The following ERC2 variants were observed in gnomAD, a reference collection of about 807,000 sequenced individuals.
ERC2 encodes ERC protein 2.
ERC2 carries 42 observed loss-of-function variants against 114.8 expected under a neutral mutation model. The ratio of observed to expected loss-of-function variants is 0.37; its 90% CI spans 0.29 to 0.47. The LOEUF is 0.47. Ranked by LOEUF, ERC2 falls within the 20% of genes least tolerant of loss-of-function variation. The probability of loss-of-function intolerance (pLI) is 0.99; values close to 1 mark genes in which losing one functional copy is unlikely to be tolerated. For missense variants in ERC2, 939 were observed against 1,150.7 expected, an observed-to-expected ratio of 0.82 and a Z score of 2.66; for synonymous variants, 454 against 425.5, an observed-to-expected ratio of 1.07 and a Z score of -0.82.
In ERC2 at chr3:55,846,669, T is replaced by TTC. The variant is rs776618827; in HGVS notation, c.2564+41718_2564+41719dup. Among the ~76,000 whole-genome samples, 1,001 of 128,952 alleles carry TTC rather than the reference T, an allele frequency of 7.8e-3. 9 individuals carry two copies. Among genetic ancestry groups the TTC allele is most frequent in the Non-Finnish European group, 0.011 (668 of 62,222 alleles). 84.6% of individuals were successfully genotyped at this position (128,952 alleles called of 152,430 possible). A position where few individuals can be genotyped will look rare whatever the true frequency, so the allele number is the denominator to read the frequency against. ...ATAAGTGTTATTTCATCCTTATTCA[T>TTC]TCTCTCTCTCTCTCTCTCTCTCTTT... On this transcript the variant is annotated intron_variant, in intron 14 of 17. Coordinates refer to ENST00000288221, the MANE Select transcript of ERC2 (RefSeq NM_015576.3).
chr3:56,013,971 C>G (rs558928049), intron 8 of ERC2, among the ~76,000 whole-genome samples: 145 of 152,228 alleles, frequency 9.5e-4, no homozygotes, highest in African/African-American at 3.1e-3. Context: ...AGATAGAGAA[C>G]CTTGCCAGTT....
chr3:55,546,335 T>C (rs1475221381), intron 17 of ERC2, among the ~76,000 whole-genome samples: 2 of 152,084 alleles, frequency 1.3e-5, no homozygotes, highest in Non-Finnish European at 2.9e-5. Context: ...CAAGACTTTG[T>C]TTAAATCATT....
chr3:56,145,857 A>G (rs570792100), intron 5 of ERC2, among the ~76,000 whole-genome samples: 2 of 152,328 alleles, frequency 1.3e-5, no homozygotes, highest in African/African-American at 4.8e-5. Flanking sequence ...CCTGCTCTGG[A>G]TCAAAATGGA....
At chr3:55,781,040 C>T (rs987551702) in intron 14 of ERC2, among the ~76,000 whole-genome samples, 10 of 152,214 alleles carry the variant, frequency 6.6e-5, no homozygotes, top group African/African-American at 2.4e-4. Context: ...TGGTATGTCA[C>T]CCAAATACAT....
At chr3:55,652,861 A>T (rs1359053251) in intron 17 of ERC2, among the ~76,000 whole-genome samples, 2 of 2,570 alleles carry the variant, frequency 7.8e-4, no homozygotes, top group Non-Finnish European at 3.3e-3. Context: ...CTCTGTCTCA[A>T]AAAAAAAAAA....
chr3:56,058,048 G>T (rs1407812832), intron 7 of ERC2, among the ~76,000 whole-genome samples: 1 of 152,118 alleles, frequency 6.6e-6, no homozygotes, highest in Non-Finnish European at 1.5e-5. Flanking sequence ...GATTTTCAGA[G>T]AAGCACTTGT....
chr3:55,969,061 C>T (rs756395144), intron 12 of ERC2, among the ~76,000 whole-genome samples: 3 of 152,018 alleles, frequency 2.0e-5, no homozygotes, highest in African/African-American at 2.4e-5. Context: ...TACCCAGACT[C>T]GAATGATTAA....
At chr3:55,671,833 T>C (rs1484155740) in intron 17 of ERC2, among the ~76,000 whole-genome samples, 1 of 152,052 alleles carries the variant, frequency 6.6e-6, no homozygotes, top group Non-Finnish European at 1.5e-5. Flanking sequence ...TCCCCAGATA[T>C]ATTCTGTGCA....
chr3:56,300,491 T>C (rs1384369532), intron 2 of ERC2, among the ~76,000 whole-genome samples: 1 of 152,060 alleles, frequency 6.6e-6, no homozygotes, highest in Non-Finnish European at 1.5e-5. Context: ...CTATGTCTTA[T>C]TTGAAGGGCA....
intron 7 of ERC2, 128 bp downstream of exon 7, chr3:56,080,688 AG>A (rs1478957940): frequency 1.2e-6 from 1 of 845,954 alleles, no homozygotes; most frequent in Non-Finnish European, 1.8e-6. Context: ...GTGAAACACC[AG>A]TATGAAAATC....
chr3:55,910,554 G>C (rs2064742729), intron 13 of ERC2, among the ~76,000 whole-genome samples: 1 of 152,174 alleles, frequency 6.6e-6, no homozygotes, highest in Admixed American at 6.5e-5. Context: ...GTTTCCCTAA[G>C]AGTCAACATC....
intron 3 of ERC2, among the ~76,000 whole-genome samples, chr3:56,198,416 T>C (rs1323343529): frequency 2.0e-5 from 3 of 152,172 alleles, no homozygotes; most frequent in Non-Finnish European, 4.4e-5. Flanking sequence ...AGGGTTGTAC[T>C]GTGGCTGGCC....
chr3:56,197,190 C>G (rs1374480633), intron 3 of ERC2, among the ~76,000 whole-genome samples: 1 of 152,110 alleles, frequency 6.6e-6, no homozygotes, highest in East Asian at 1.9e-4. Flanking sequence ...AATCTGGCTC[C>G]TCTCATTTCT....
intron 2 of ERC2, among the ~76,000 whole-genome samples, chr3:56,316,787 T>C (rs142560011): frequency 6.6e-6 from 1 of 152,332 alleles, no homozygotes; most frequent in East Asian, 1.9e-4. Context: ...GGCTTTTCCT[T>C]TTTTCAAAAA....
chr3:56,198,626 G>A (rs940730435), intron 3 of ERC2, among the ~76,000 whole-genome samples: 2 of 152,176 alleles, frequency 1.3e-5, no homozygotes, highest in Non-Finnish European at 2.9e-5. Context: ...GCTATTTGTT[G>A]AGATAAAAAA....
intron 17 of ERC2, among the ~76,000 whole-genome samples, chr3:55,621,116 CCTTT>C (rs1372062116): frequency 6.6e-6 from 1 of 152,058 alleles, no homozygotes; most frequent in African/African-American, 2.4e-5. Context: ...CATTCTGTCC[CCTTT>C]CTTATCCACT....
chr3:55,989,361 G>A (rs1436168285), intron 11 of ERC2, among the ~76,000 whole-genome samples: 1 of 152,214 alleles, frequency 6.6e-6, no homozygotes, highest in African/African-American at 2.4e-5. Context: ...CCATTAAGCT[G>A]TTTATATGTA....
At chr3:55,608,248 A>G (rs1443972762) in intron 17 of ERC2, among the ~76,000 whole-genome samples, 1 of 152,232 alleles carries the variant, frequency 6.6e-6, no homozygotes, top group Admixed American at 6.5e-5. Context: ...CCTCACTTCT[A>G]AGAAGCAGAG....
intron 3 of ERC2, among the ~76,000 whole-genome samples, chr3:56,187,838 G>A (rs150580872): frequency 6.6e-6 from 1 of 152,186 alleles, no homozygotes; most frequent in Non-Finnish European, 1.5e-5. Flanking sequence ...ATGTCAACTC[G>A]CTAGCCCTAA....
Sources: gnomAD v4.1 joint callset for allele counts (sites outside exome capture counted in the v4.1 genomes callset) on GRCh38, gnomAD v4.1.1 for gene constraint, MANE v1.5 for transcripts, NCBI Gene and HGNC (gene_info 2026-07-23, HGNC 2026-07-21) for gene names.